Variants in DHRS3 observed in about 807,000 individuals in gnomAD.
DHRS3 encodes short-chain dehydrogenase/reductase 3.
In DHRS3, 14 loss-of-function variants were observed where a neutral mutation model predicts 27.2. The ratio of observed to expected loss-of-function variants is 0.52; its 90% confidence interval spans 0.34 to 0.81. The LOEUF is 0.81. Ranked by LOEUF, DHRS3 falls within the 30% of genes least tolerant of loss-of-function variation. DHRS3 has a pLI of 0.01. For missense variants in DHRS3, 322 were observed against 406.2 expected (o/e 0.79, Z 1.78); for synonymous variants, 165 against 175.9 (o/e 0.94, Z 0.49).
intron 1 of DHRS3, among the ~76,000 whole-genome samples, chr1:12,588,852 C>G (rs907498366): frequency 6.6e-6 from 1 of 152,204 alleles, no homozygotes; most frequent in African/African-American, 2.4e-5. Flanking sequence ...ATTGGCAGCC[C>G]CTGAAAGATC....
intron 1 of DHRS3, among the ~76,000 whole-genome samples, chr1:12,606,834 T>C (rs903816508): frequency 1.3e-5 from 2 of 152,122 alleles, no homozygotes; most frequent in Admixed American, 1.3e-4. Flanking sequence ...ATCAAGATCT[T>C]GAAGCATTTC....
intron 1 of DHRS3, chr1:12,600,243 A>ACT: frequency 2.0e-6 from 1 of 501,388 alleles, no homozygotes; most frequent in Non-Finnish European, 2.6e-6. Flanking sequence ...ACACACAATC[A>ACT]CACAAACATT....
Position 12,578,994 on chromosome 1 carries a change from G to C in DHRS3, c.460-38C>G. 1 of 1,549,916 alleles carries C rather than the reference G, an allele frequency of 6.5e-7. No homozygotes were observed. The highest frequency in any genetic ancestry group is 8.8e-7 in the Non-Finnish European group (1 of 1,131,244). Reference sequence around the variant, plus strand: ...GGGGTGTCAGGGTGGAGCAGCTGCAGCTCTGACAACCCCTCCACCTTTCTT... The same window carrying C: ...GGGGTGTCAGGGTGGAGCAGCTGCACCTCTGACAACCCCTCCACCTTTCTT... On this transcript the variant is annotated intron_variant, in intron 3 of 5. Coordinates refer to ENST00000616661, the MANE Select transcript of DHRS3 (RefSeq NM_004753.7). The surrounding 1 kb of genome is among the most constrained non-coding windows in gnomAD (Gnocchi z 4.5).
chr1:12,613,135 T>C (rs1036346512), intron 1 of DHRS3, among the ~76,000 whole-genome samples: 4 of 151,842 alleles, frequency 2.6e-5, no homozygotes, highest in Admixed American at 2.6e-4. Flanking sequence ...AAGGAGAGAC[T>C]GGAGCCATGC....
At chr1:12,587,164 A>G (rs146918797) in intron 1 of DHRS3, among the ~76,000 whole-genome samples, 3,012 of 144,188 alleles carry the variant, frequency 0.021, 96 homozygotes, top group African/African-American at 0.076. Flanking sequence ...TTTTTTTGAG[A>G]CAGAGTCTCA....
chr1:12,617,512 G>C lies in DHRS3; in HGVS notation c.-164C>G. On this transcript the variant is annotated 5_prime_UTR_variant, in exon 1 of 6. Transcript: ENST00000616661. ...TCTTCCCAAATGCAAAGCACCGGGTGAGAAAAAGAAAAAAAAAAAAAAAAA... is the reference window on the plus strand; with the variant it reads ...TCTTCCCAAATGCAAAGCACCGGGTCAGAAAAAGAAAAAAAAAAAAAAAAA... 1 of 211,428 alleles carries C rather than the reference G, an allele frequency of 4.7e-6. No individual in the cohort carries two copies. The highest frequency in any genetic ancestry group is 8.2e-6 in the Non-Finnish European group (1 of 122,090). The allele number at this position is 211,428 out of a possible 1,614,324, so 13.1% of individuals were successfully genotyped here.
chr1:12,569,227 T>TCACACACACACACACACA lies in DHRS3; in HGVS notation c.825-804_825-803insTGTGTGTGTGTGTGTGTG, dbSNP rs1557509296. On this transcript the variant is annotated intron_variant, in intron 5 of 5. Coordinates refer to ENST00000616661, the MANE Select transcript of DHRS3 (RefSeq NM_004753.7). ...AGTAAAACTCTGTCCCCTCTCTCTC[T>TCACACACACACACACACA]CTCTCACACACACACACACACACAC... Among the ~76,000 whole-genome samples, 658 of 135,906 alleles carry TCACACACACACACACACA rather than the reference T, an allele frequency of 4.8e-3. 8 individuals are homozygous for TCACACACACACACACACA. Among genetic ancestry groups the TCACACACACACACACACA allele is most frequent in the African/African-American group, 0.017 (629 of 37,328 alleles). 89.2% of individuals were successfully genotyped at this position (135,906 alleles called of 152,430 possible).
chr1:12,587,720 C>T (rs1646709741), intron 1 of DHRS3, among the ~76,000 whole-genome samples: 1 of 136,144 alleles, frequency 7.3e-6, no homozygotes, highest in Non-Finnish European at 1.6e-5. Flanking sequence ...AAAACAAAAA[C>T]CAAAAAACAA....
intron 4 of DHRS3, among the ~76,000 whole-genome samples, chr1:12,576,344 C>T (rs577752569): frequency 4.6e-5 from 7 of 151,996 alleles, no homozygotes; most frequent in East Asian, 2.0e-4. Flanking sequence ...GGACGGATCA[C>T]GAGGTCAGGA....
At chr1:12,583,342 T>TCCATCCAC in intron 1 of DHRS3, among the ~76,000 whole-genome samples, 1 of 141,276 alleles carries the variant, frequency 7.1e-6, no homozygotes. Flanking sequence ...CATCCATCCA[T>TCCATCCAC]CCATCCATCC....
intron 5 of DHRS3, among the ~76,000 whole-genome samples, chr1:12,570,689 C>T (rs1646528400): frequency 6.6e-6 from 1 of 152,206 alleles, no homozygotes; most frequent in South Asian, 2.1e-4. Context: ...CTCTGGAAGT[C>T]TTCTAAGAAG....
intron 1 of DHRS3, chr1:12,616,455 G>T: frequency 2.8e-6 from 2 of 711,368 alleles, no homozygotes; most frequent in Non-Finnish European, 1.7e-6. Flanking sequence ...CCTCCTTGCA[G>T]CACCACCTTC....
intron 1 of DHRS3, among the ~76,000 whole-genome samples, chr1:12,589,451 C>T (rs375739390): frequency 3.6e-4 from 54 of 148,052 alleles, no homozygotes; most frequent in Non-Finnish European, 5.0e-4. Context: ...TGCAGTGGCG[C>T]GATCTCGGCT....
chr1:12,616,007 A>G (rs1646941797), intron 1 of DHRS3, among the ~76,000 whole-genome samples: 1 of 152,198 alleles, frequency 6.6e-6, no homozygotes. Flanking sequence ...CTGATAGTTC[A>G]GGCTCCAAAG....
intron 1 of DHRS3, among the ~76,000 whole-genome samples, chr1:12,602,152 A>C (rs1646839778): frequency 6.9e-6 from 1 of 144,026 alleles, no homozygotes. Context: ...CAATTGAGCT[A>C]CTTGGACGCA....
At chr1:12,573,843 C>T (rs1646562209) in intron 4 of DHRS3, among the ~76,000 whole-genome samples, 1 of 152,228 alleles carries the variant, frequency 6.6e-6, no homozygotes, top group Admixed American at 6.5e-5. Flanking sequence ...TCCTGATTTA[C>T]AGATAAGGAA....
chr1:12,581,202 C>T (rs894112761), intron 1 of DHRS3, among the ~76,000 whole-genome samples: 2 of 152,174 alleles, frequency 1.3e-5, no homozygotes, highest in Non-Finnish European at 2.9e-5. Context: ...TATGATCAAT[C>T]AATTGATGTG....
rs201342762 is a variant in DHRS3, at chr1:12,580,531, G to A, written c.331C>T (p.Arg111Trp). The A allele has an allele frequency of 9.3e-6, 15 of 1,614,116 alleles. No homozygotes were observed. In the African/African-American group the frequency reaches 1.1e-4, roughly 11 times the overall value. ...EEVYQTAKAV[R>W]EKVGDITILV... ...CCTCCCAGGCTACAGACCTTCTCCC[G>A]GACGGCCTTGGCCGTCTGGTACACC... is the stretch of plus-strand genomic sequence containing the variant. The change falls in exon 2 of 6, where the codon CGG (arginine) becomes TGG (tryptophan). Residue 111 changes from arginine (R) to tryptophan (W), a missense_variant. Arg to Trp is a moderately radical substitution (Grantham distance 101). Transcript: ENST00000616661.
intron 4 of DHRS3, among the ~76,000 whole-genome samples, chr1:12,577,533 A>G (rs1646600272): frequency 6.6e-6 from 1 of 152,150 alleles, no homozygotes; most frequent in Non-Finnish European, 1.5e-5. Context: ...CTCATTTTAA[A>G]TTGAGCTACG....
Sources: gnomAD v4.1 joint callset for allele counts (sites outside exome capture counted in the v4.1 genomes callset) on GRCh38, gnomAD v4.1.1 for gene constraint, Gnocchi (gnomAD v3.1) non-coding constraint, MANE v1.5 for transcripts, NCBI Gene and HGNC (gene_info 2026-07-23, HGNC 2026-07-21) for gene names.